Variants in MAP2K5 observed in about 807,000 individuals in gnomAD.
The protein encoded by MAP2K5 is mitogen-activated protein kinase kinase 5.
A neutral mutation model predicts 83.1 loss-of-function variants in MAP2K5; 49 were observed. The observed-to-expected ratio is 0.59, with a 90% CI of 0.47 to 0.75. The LOEUF (loss-of-function observed/expected upper bound fraction) is 0.75, where lower values mean the gene tolerates loss of function less well. MAP2K5 is among the 30% of genes least tolerant of loss of function. MAP2K5 has a pLI of 0.00. For synonymous variants in MAP2K5, 202 were observed against 191.8 expected (o/e 1.05, Z -0.44); for missense variants, 457 against 557.5 (o/e 0.82, Z 1.82).
chr15:67,759,044 A>T (rs2089897541), intron 19 of MAP2K5, among the ~76,000 whole-genome samples: 1 of 152,202 alleles, frequency 6.6e-6, no homozygotes, highest in Non-Finnish European at 1.5e-5. Flanking sequence ...TACTCTGTTT[A>T]ATTTGGCATG....
chr15:67,605,646 G>A (rs1016653101), intron 8 of MAP2K5, among the ~76,000 whole-genome samples: 1 of 152,172 alleles, frequency 6.6e-6, no homozygotes, highest in African/African-American at 2.4e-5. Flanking sequence ...AGCAAAGCCA[G>A]ATTTCTATAC....
intron 13 of MAP2K5, among the ~76,000 whole-genome samples, chr15:67,687,116 T>A (rs927486735): frequency 6.6e-6 from 1 of 152,232 alleles, no homozygotes; most frequent in African/African-American, 2.4e-5. Flanking sequence ...TTGATTTTTT[T>A]AATGAGATTT....
chr15:67,776,640 G>A (rs111864951), intron 21 of MAP2K5, among the ~76,000 whole-genome samples: 6 of 152,150 alleles, frequency 3.9e-5, no homozygotes, highest in African/African-American at 7.2e-5. Flanking sequence ...GCATTAAGAT[G>A]GGGGTTCAGG....
At chr15:67,629,243 G>T in intron 8 of MAP2K5, 2 of 614,204 alleles carry the variant, frequency 3.3e-6, no homozygotes, top group Non-Finnish European at 6.1e-6. Flanking sequence ...TGGTGGCAGG[G>T]CCTAGCTGCT....
chr15:67,585,941 C>A lies in MAP2K5; in HGVS notation c.363+11C>A, dbSNP rs774753381. ...ATACATGGCCTGAAGGTACGAATTT[C>A]AATAATTGTTTCAGTAAAGTTAGAT... On this transcript the variant is annotated intron_variant, in intron 5 of 21. Coordinates refer to ENST00000178640, the MANE Select transcript of MAP2K5 (RefSeq NM_145160.3). 1 of 1,611,902 alleles carries A rather than the reference C, an allele frequency of 6.2e-7. No homozygotes were observed. Among genetic ancestry groups the A allele is most frequent in the Admixed American group, 1.7e-5 (1 of 60,026 alleles).
intron 4 of MAP2K5, among the ~76,000 whole-genome samples, chr15:67,581,441 G>A (rs993336453): frequency 6.6e-6 from 1 of 152,096 alleles, no homozygotes; most frequent in African/African-American, 2.4e-5. Flanking sequence ...TTGTTCAACC[G>A]TGTATAAATG....
chr15:67,618,747 C>T (rs2086111813), intron 8 of MAP2K5, among the ~76,000 whole-genome samples: 1 of 152,102 alleles, frequency 6.6e-6, no homozygotes, highest in Non-Finnish European at 1.5e-5. Context: ...TGGGTTCTTC[C>T]TCAAAAATAT....
chr15:67,553,543 GC>G (rs1209294470), intron 2 of MAP2K5, among the ~76,000 whole-genome samples: 2 of 152,154 alleles, frequency 1.3e-5, no homozygotes, highest in Non-Finnish European at 2.9e-5. Flanking sequence ...TCCTAGGCTG[GC>G]TTTTTTCATG....
rs2589983 is a variant in MAP2K5, at chr15:67,561,477, C to A, written c.185-1806C>A. On this transcript the variant is annotated intron_variant, in intron 2 of 21. Coordinates refer to ENST00000178640, the MANE Select transcript of MAP2K5 (RefSeq NM_145160.3). This position sits in a 1 kb window ranked among gnomAD's most constrained non-coding sequence, Gnocchi z 4.2. ...CAGGACTGTGCCTTCTTCATTACTGCAAGTGACCAGTGTATGCCTTTTACT... is the reference window on the plus strand; with the variant it reads ...CAGGACTGTGCCTTCTTCATTACTGAAAGTGACCAGTGTATGCCTTTTACT... Among the ~76,000 whole-genome samples the A allele has an allele frequency of 0.16, 25,003 of 152,070 alleles. 2,855 individuals carry two copies. The highest frequency in any genetic ancestry group is 0.32 in the African/African-American group (13,216 of 41,458).
chr15:67,615,099 G>A (rs2086026203), intron 8 of MAP2K5, among the ~76,000 whole-genome samples: 1 of 152,198 alleles, frequency 6.6e-6, no homozygotes, highest in South Asian at 2.1e-4. Flanking sequence ...CCTGGTTCAA[G>A]TGATTCTCCT....
intron 16 of MAP2K5, among the ~76,000 whole-genome samples, chr15:67,723,529 C>T (rs2141243169): frequency 6.6e-6 from 1 of 152,272 alleles, no homozygotes; most frequent in East Asian, 1.9e-4. Flanking sequence ...AGAGAGTCTT[C>T]AGCAGTTTGC....
chr15:67,670,419 GCAAA>G (rs757069169), intron 13 of MAP2K5: 17 of 455,644 alleles, frequency 3.7e-5, no homozygotes, highest in African/African-American at 2.6e-4. Flanking sequence ...GTGTTTTTTA[GCAAA>G]CAAAGACCTG....
chr15:67,664,867 A>C (rs2087333954), intron 13 of MAP2K5, among the ~76,000 whole-genome samples: 1 of 152,202 alleles, frequency 6.6e-6, no homozygotes, highest in African/African-American at 2.4e-5. Context: ...CACCTTTGTC[A>C]AACTTGTAAA....
At position 67,638,172 on chromosome 15, in the gene MAP2K5, G is replaced by A. The variant is rs763067043; in HGVS notation, c.585+7245G>A. Among the ~76,000 whole-genome samples, 2 of 151,954 alleles carry A rather than the reference G, an allele frequency of 1.3e-5. No individual in the cohort carries two copies. The highest frequency in any genetic ancestry group is 2.9e-5 in the Non-Finnish European group (2 of 67,998). Reference sequence around the variant, plus strand: ...TTGTACAGATTATTTTGTCACCCAGGTATTAAGCCTAGTACCTATTAGTTA... The same window carrying A: ...TTGTACAGATTATTTTGTCACCCAGATATTAAGCCTAGTACCTATTAGTTA... On this transcript the variant is annotated intron_variant, in intron 9 of 21. Coordinates refer to ENST00000178640, the MANE Select transcript of MAP2K5 (RefSeq NM_145160.3). The surrounding 1 kb of genome is among the most constrained non-coding windows in gnomAD (Gnocchi z 4.5).
At chr15:67,791,499 T>G (rs1332389774) in intron 21 of MAP2K5, among the ~76,000 whole-genome samples, 1 of 152,178 alleles carries the variant, frequency 6.6e-6, no homozygotes, top group East Asian at 1.9e-4. Context: ...TGATAGGGCT[T>G]TTGGAGATCA....
rs182399911 is a variant in MAP2K5 at position 67,555,264 on chromosome 15, C to T, written c.184+5182C>T. On this transcript the variant is annotated intron_variant, in intron 2 of 21. Coordinates refer to ENST00000178640, the MANE Select transcript of MAP2K5 (RefSeq NM_145160.3). This position sits in a 1 kb window ranked among gnomAD's most constrained non-coding sequence, Gnocchi z 5.2. Reference sequence around the variant, plus strand: ...TGGCAGAAAGTGAAGGGGCAGCAGGCGTGTCACATGGCGAGAGAGAGTGGA... The same window carrying T: ...TGGCAGAAAGTGAAGGGGCAGCAGGTGTGTCACATGGCGAGAGAGAGTGGA... Among the ~76,000 whole-genome samples the T allele has an allele frequency of 1.2e-3, 189 of 152,264 alleles. No homozygotes were observed. The highest frequency in any genetic ancestry group is 3.8e-3 in the African/African-American group (156 of 41,556).
At chr15:67,658,435 AT>A in intron 11 of MAP2K5, 117 bp from the exon 12 acceptor site, 1 of 751,156 alleles carries the variant, frequency 1.3e-6, no homozygotes, top group Middle Eastern at 2.4e-4. Context: ...TATACTACAC[AT>A]CCAATGCATG....
At chr15:67,728,072 T>C (rs1432958851) in intron 17 of MAP2K5, 127 bp downstream of exon 17, 16 of 790,630 alleles carry the variant, frequency 2.0e-5, no homozygotes, top group Admixed American at 6.5e-5. Flanking sequence ...AAAAGTGGTA[T>C]CTTAAAGGGT....
At chr15:67,707,199 G>A (rs112135598) in intron 16 of MAP2K5, among the ~76,000 whole-genome samples, 2,613 of 152,304 alleles carry the variant, frequency 0.017, 86 homozygotes, top group African/African-American at 0.06. Context: ...ACAGGCGTGA[G>A]CCACCATGAC....
Sources: allele counts gnomAD v4.1 joint callset (sites outside exome capture counted in the v4.1 genomes callset), GRCh38; gene constraint gnomAD v4.1.1; non-coding constraint Gnocchi (gnomAD v3.1); transcripts MANE v1.5; gene names NCBI Gene and HGNC (gene_info 2026-07-23, HGNC 2026-07-21).